WDTC1: variants seen among roughly 807,000 people sequenced by gnomAD.
The protein encoded by WDTC1 is WD and tetratricopeptide repeats protein 1.
A neutral mutation model predicts 76.0 loss-of-function variants in WDTC1; 12 were observed. That is an observed-to-expected ratio of 0.16 (90% CI 0.10 to 0.26). The LOEUF (loss-of-function observed/expected upper bound fraction) is 0.26. Ranked by LOEUF, WDTC1 falls within the 10% of genes least tolerant of loss-of-function variation. The pLI, the probability that WDTC1 is intolerant of heterozygous loss-of-function variation, is 1.00. For missense variants in WDTC1, 511 were observed against 908.8 expected (o/e 0.56, Z 5.63); for synonymous variants, 326 against 350.8 (o/e 0.93, Z 0.79).
Position 27,303,592 on chromosome 1 carries a change from G to A in WDTC1, c.1469-29G>A, listed in dbSNP as rs370178063. On this transcript the variant is annotated intron_variant, in intron 13 of 15. Coordinates refer to ENST00000319394, the MANE Select transcript of WDTC1 (RefSeq NM_001276252.2). The surrounding 1 kb of genome is among the most constrained non-coding windows in gnomAD (Gnocchi z 4.8). The stretch of plus-strand genomic sequence containing the variant: ...AGGGAAGGAGAGAAAGGAACAAGGC[G>A]CTTACCTTTTCTGGATCTCTGCCCC... The A allele has an allele frequency of 2.0e-4, 317 of 1,566,494 alleles. No individual in the cohort carries two copies. Among genetic ancestry groups the A allele is most frequent in the Non-Finnish European group, 2.1e-4 (243 of 1,162,652 alleles).
At chr1:27,299,620 G>A (rs1357836856) in intron 12 of WDTC1, among the ~76,000 whole-genome samples, 2 of 152,190 alleles carry the variant, frequency 1.3e-5, no homozygotes, top group Non-Finnish European at 2.9e-5. Flanking sequence ...TTCGGAAAGG[G>A]ACTGGCAGGA....
In WDTC1 at chr1:27,301,609, GTC is replaced by G. The variant is rs1393183298; in HGVS notation, c.1468+155_1468+156del. 4 of 891,720 alleles carry G rather than the reference GTC, an allele frequency of 4.5e-6. No individual in the cohort carries two copies. Among genetic ancestry groups the G allele is most frequent in the Non-Finnish European group, 6.8e-6 (4 of 587,270 alleles). 55.2% of individuals were successfully genotyped at this position (891,720 alleles called of 1,614,324 possible). On this transcript the variant is annotated intron_variant, in intron 13 of 15. Transcript: ENST00000319394. The surrounding 1 kb of genome is among the most constrained non-coding windows in gnomAD (Gnocchi z 5.8). ...TGCAACTTTGGGGCAGTTACTTGGT[GTC>G]TCTCTCAGAGTGTTTCCTGGTCTGA...
At chr1:27,302,741 AAAC>A (rs752573510) in intron 13 of WDTC1, among the ~76,000 whole-genome samples, 5 of 151,938 alleles carry the variant, frequency 3.3e-5, no homozygotes, top group East Asian at 1.9e-4. Context: ...ATCCTGTCTC[AAAC>A]AACAACAACA....
chr1:27,251,881 T>G (rs1017796702), intron 1 of WDTC1, among the ~76,000 whole-genome samples: 3 of 151,946 alleles, frequency 2.0e-5, no homozygotes, highest in Non-Finnish European at 2.9e-5. Context: ...AAACCTCATC[T>G]CTACTAAAAA....
chr1:27,288,557 T>G (rs997891042), intron 6 of WDTC1, among the ~76,000 whole-genome samples: 7 of 151,642 alleles, frequency 4.6e-5, no homozygotes, highest in Admixed American at 1.3e-4. Context: ...TGACTCTTAA[T>G]GAGCATGCTG....
Position 27,297,166 on chromosome 1 carries a change from G to T in WDTC1, c.1058+10G>T. On this transcript the variant is annotated intron_variant, in intron 11 of 15. Transcript: ENST00000319394. ...GTAGGGGACATGTCAGGTGAGGCCAGCTGGCTTGTCCAGCCCTCCAAGCCC... is the reference window on the plus strand; with the variant it reads ...GTAGGGGACATGTCAGGTGAGGCCATCTGGCTTGTCCAGCCCTCCAAGCCC... 6.3e-7 allele frequency: 1 copy of T among 1,591,584 alleles called. No homozygotes were observed. The highest frequency in any genetic ancestry group is 1.1e-5 in the South Asian group (1 of 89,138).
At chr1:27,246,381 G>C (rs2011831724) in intron 1 of WDTC1, among the ~76,000 whole-genome samples, 1 of 152,084 alleles carries the variant, frequency 6.6e-6, no homozygotes, top group Non-Finnish European at 1.5e-5. Context: ...TTTCTTCCAT[G>C]TTGTTGTATG....
rs71584875 is a variant in WDTC1 at position 27,251,033 on chromosome 1, ATTTTTTTTTTTTTTTTTTTT to A, written c.-99-9905_-99-9886del. 3.8e-4 allele frequency among the ~76,000 whole-genome samples: 11 copies of A among 28,686 alleles called. 1 individual carries two copies. Among genetic ancestry groups the A allele is most frequent in the East Asian group, 1.9e-3 (1 of 534 alleles). 18.8% of individuals were successfully genotyped at this position (28,686 alleles called of 152,430 possible). The stretch of plus-strand genomic sequence containing the variant: ...TGGCGTGCACCACTACTCCTGGCTA[ATTTTTTTTTTTTTTTTTTTT>A]TTTTTTTTTTTTTTTTTAGTAGAGA... On this transcript the variant is annotated intron_variant, in intron 1 of 15. Coordinates refer to ENST00000319394, the MANE Select transcript of WDTC1 (RefSeq NM_001276252.2).
intron 12 of WDTC1, among the ~76,000 whole-genome samples, chr1:27,299,691 C>T (rs944406633): frequency 6.6e-5 from 10 of 152,070 alleles, no homozygotes; most frequent in Non-Finnish European, 1.3e-4. Flanking sequence ...AGAGCGGTGA[C>T]GTTGGCCTCG....
chr1:27,269,132 A>C (rs1252939800), intron 3 of WDTC1, among the ~76,000 whole-genome samples: 1 of 134,584 alleles, frequency 7.4e-6, no homozygotes, highest in Non-Finnish European at 1.5e-5. Flanking sequence ...GTTCAAGACC[A>C]GCCTGGGTAA....
chr1:27,298,343 G>A (rs1013493254), intron 12 of WDTC1, among the ~76,000 whole-genome samples: 3 of 152,206 alleles, frequency 2.0e-5, no homozygotes, highest in Non-Finnish European at 2.9e-5. Context: ...TCACAGTTAC[G>A]TGGAACATGT....
At chr1:27,268,112 C>G (rs533758970) in intron 3 of WDTC1, among the ~76,000 whole-genome samples, 1 of 152,146 alleles carries the variant, frequency 6.6e-6, no homozygotes, top group African/African-American at 2.4e-5. Flanking sequence ...AACAAATACT[C>G]TCTCTCAAAC....
chr1:27,306,676 G>A lies in WDTC1; in HGVS notation c.*293G>A. On this transcript the variant is annotated 3_prime_UTR_variant, in exon 16 of 16. Transcript: ENST00000319394. This position sits in a 1 kb window ranked among gnomAD's most constrained non-coding sequence, Gnocchi z 5.0. ...TCATGTCCCTGGAGGGCTCTGGCCTGCCTCAAAACCCCTTCTGCCTCAGGT... is the reference window on the plus strand; with the variant it reads ...TCATGTCCCTGGAGGGCTCTGGCCTACCTCAAAACCCCTTCTGCCTCAGGT... 2.2e-6 allele frequency: 1 copy of A among 455,452 alleles called. No homozygotes were observed. The highest frequency in any genetic ancestry group is 4.0e-6 in the Non-Finnish European group (1 of 249,734). The allele number at this position is 455,452 out of a possible 1,614,324, so 28.2% of individuals were successfully genotyped here. A position where few individuals can be genotyped will look rare whatever the true frequency, so the allele number is the denominator to read the frequency against.
At chr1:27,245,148 G>T (rs1469566933) in intron 1 of WDTC1, among the ~76,000 whole-genome samples, 1 of 151,688 alleles carries the variant, frequency 6.6e-6, no homozygotes, top group Non-Finnish European at 1.5e-5. Context: ...CTTCTCCCTT[G>T]TTAAATGGGG....
rs972434600 is a variant in WDTC1 at position 27,294,431 on chromosome 1, T to C, written c.758-83T>C. On this transcript the variant is annotated intron_variant, in intron 8 of 15. Transcript: ENST00000319394. ...TTTATGCTAAAGTTGATTGGTATAA[T>C]TTTTGATATGACTGACTTCACACAA... The C allele has an allele frequency of 1.2e-5, 15 of 1,278,486 alleles. No individual in the cohort carries two copies. In the East Asian group the frequency reaches 3.3e-4, roughly 28 times the overall value. 79.2% of individuals were successfully genotyped at this position (1,278,486 alleles called of 1,614,324 possible).
intron 6 of WDTC1, among the ~76,000 whole-genome samples, chr1:27,288,135 C>T (rs1475372735): frequency 1.3e-5 from 2 of 152,116 alleles, no homozygotes; most frequent in African/African-American, 2.4e-5. Flanking sequence ...TGGGCATTCA[C>T]GTTACTCTTT....
chr1:27,258,737 A>G (rs2012373485), intron 1 of WDTC1, among the ~76,000 whole-genome samples: 1 of 152,180 alleles, frequency 6.6e-6, no homozygotes, highest in South Asian at 2.1e-4. Context: ...CATAATGTTT[A>G]GGTGTCGAGT....
chr1:27,241,972 G>A (rs1264150307), intron 1 of WDTC1, among the ~76,000 whole-genome samples: 1 of 151,148 alleles, frequency 6.6e-6, no homozygotes, highest in Non-Finnish European at 1.5e-5. Flanking sequence ...GCTCACTGCA[G>A]CCTCAGGCTC....
chr1:27,304,732 G>A, intron 14 of WDTC1: 1 of 345,784 alleles, frequency 2.9e-6, no homozygotes, highest in East Asian at 5.1e-5. Flanking sequence ...GAGAGATGAT[G>A]TAAGATGATC....
Sources: allele counts gnomAD v4.1 joint callset (sites outside exome capture counted in the v4.1 genomes callset), GRCh38; gene constraint gnomAD v4.1.1; non-coding constraint Gnocchi (gnomAD v3.1); transcripts MANE v1.5; gene names NCBI Gene and HGNC (gene_info 2026-07-23, HGNC 2026-07-21).